PNLDC1: variants seen among roughly 807,000 people sequenced by gnomAD.
PNLDC1 encodes the protein PARN like ribonuclease domain containing exonuclease 1.
In PNLDC1, 70 loss-of-function variants were observed where a neutral mutation model predicts 82.0. The ratio of observed to expected loss-of-function variants is 0.85; its 90% confidence interval spans 0.70 to 1.04. The LOEUF (loss-of-function observed/expected upper bound fraction) is 1.04, where lower values mean the gene tolerates loss of function less well. Among genes scored for constraint, PNLDC1 ranks in the 50% least tolerant of loss-of-function variants. The pLI is 0.00. For missense variants in PNLDC1, 631 were observed against 661.1 expected (o/e 0.95, Z 0.50); for synonymous variants, 280 against 249.3 (o/e 1.12, Z -1.16).
chr6:159,805,140 C>T (rs774211760), intron 6 of PNLDC1, among the ~76,000 whole-genome samples: 11 of 152,160 alleles, frequency 7.2e-5, no homozygotes, highest in Admixed American at 1.3e-4. Context: ...TCCCCTAGGC[C>T]GGGACCTCTG....
intron 3 of PNLDC1, among the ~76,000 whole-genome samples, chr6:159,801,448 TTTTTA>T (rs1781252481): frequency 6.6e-6 from 1 of 152,148 alleles, no homozygotes; most frequent in Non-Finnish European, 1.5e-5. Context: ...GTGTGTGCGA[TTTTTA>T]TTTTATTTTT....
At chr6:159,811,187 G>A (rs1387432491) in intron 10 of PNLDC1, among the ~76,000 whole-genome samples, 2 of 152,186 alleles carry the variant, frequency 1.3e-5, no homozygotes, top group Non-Finnish European at 2.9e-5. Flanking sequence ...GGAGAGTAGC[G>A]GGAAGAGATC....
intron 3 of PNLDC1, among the ~76,000 whole-genome samples, chr6:159,801,864 C>T (rs1202938480): frequency 6.6e-6 from 1 of 150,882 alleles, no homozygotes. Context: ...TGTATCGGTT[C>T]ATACAGATCT....
chr6:159,800,635 T>A, intron 1 of PNLDC1, 137 bp from the exon 2 acceptor site: 1 of 1,598,846 alleles, frequency 6.3e-7, no homozygotes, highest in Non-Finnish European at 8.5e-7. Context: ...GGTTCCTCCA[T>A]TTTCCCTTCC....
intron 12 of PNLDC1, among the ~76,000 whole-genome samples, chr6:159,814,792 A>G (rs1419205007): frequency 6.6e-6 from 1 of 152,260 alleles, no homozygotes. Context: ...TATCTGTGAG[A>G]TGAGAAAATA....
upstream of PNLDC1, among the ~76,000 whole-genome samples, chr6:159,800,057 C>A (rs1186368604): frequency 6.6e-6 from 1 of 152,208 alleles, no homozygotes; most frequent in Admixed American, 6.5e-5. Flanking sequence ...AAAGAAATTG[C>A]TGAGGAGCCA....
chr6:159,813,154 T>C (rs983701651), intron 11 of PNLDC1, among the ~76,000 whole-genome samples: 2 of 152,164 alleles, frequency 1.3e-5, no homozygotes, highest in African/African-American at 2.4e-5. Flanking sequence ...GGGTCTGTGG[T>C]CTGTCTTTGC....
At chr6:159,805,910 C>G in intron 6 of PNLDC1, 73 bp from the exon 7 acceptor site, 1 of 1,102,900 alleles carries the variant, frequency 9.1e-7, no homozygotes, top group Admixed American at 1.7e-5. Flanking sequence ...AGAAACTGCT[C>G]TCATGTTAAC....
chr6:159,816,381 C>T, intron 13 of PNLDC1, among the ~76,000 whole-genome samples, 162 bp from the exon 14 acceptor site: 1 of 151,198 alleles, frequency 6.6e-6, no homozygotes, highest in Non-Finnish European at 1.5e-5. Flanking sequence ...GCTTTCTCCA[C>T]CGTGGGGAGG....
In PNLDC1 at chr6:159,819,373, A is replaced by G. The variant is rs56137054; in HGVS notation, c.1532+21A>G. ...CTCCAGTAAGTGACAGGCTGAGGCC[A>G]CCTGCCTGTCCTGGGGTCCTGGAGT... On this transcript the variant is annotated intron_variant, in intron 18 of 18. Coordinates refer to ENST00000392167, the MANE Select transcript of PNLDC1 (RefSeq NM_001271862.2). The surrounding 1 kb of genome is among the most constrained non-coding windows in gnomAD (Gnocchi z 4.6). The G allele has an allele frequency of 5.3e-5, 85 of 1,600,774 alleles. No individual in the cohort carries two copies. The highest frequency in any genetic ancestry group is 5.0e-4 in the Middle Eastern group (3 of 6,034).
At chr6:159,815,292 A>G (rs573442660) in intron 12 of PNLDC1, among the ~76,000 whole-genome samples, 66 of 152,020 alleles carry the variant, frequency 4.3e-4, no homozygotes, top group Non-Finnish European at 7.5e-4. Flanking sequence ...CATACCCCAC[A>G]CCGCCCCTTG....
chr6:159,802,182 G>C (rs1400505109), intron 3 of PNLDC1, among the ~76,000 whole-genome samples: 1 of 152,228 alleles, frequency 6.6e-6, no homozygotes, highest in Non-Finnish European at 1.5e-5. Flanking sequence ...TGTGAAATTA[G>C]CTGTAGAGAA....
intron 7 of PNLDC1, among the ~76,000 whole-genome samples, chr6:159,806,453 A>G (rs1781449999): frequency 6.6e-6 from 1 of 152,178 alleles, no homozygotes; most frequent in African/African-American, 2.4e-5. Flanking sequence ...CAGCTCTCAG[A>G]GGCTGGTCTA....
Position 159,809,786 on chromosome 6 carries a change from T to G in PNLDC1, c.784-240T>G, listed in dbSNP as rs377404005. Among the ~76,000 whole-genome samples, 6 of 152,182 alleles carry G rather than the reference T, an allele frequency of 3.9e-5. No individual in the cohort carries two copies. In the East Asian group the frequency reaches 5.8e-4, roughly 15 times the overall value. On this transcript the variant is annotated intron_variant, in intron 9 of 18. Coordinates refer to ENST00000392167, the MANE Select transcript of PNLDC1 (RefSeq NM_001271862.2). ...CAAGTGCCTGCTTCACAGTATAGGT[T>G]TCCAGCGCAGACCCTGCCTTACGTG...
In PNLDC1 at chr6:159,803,278, T is replaced by A; in HGVS notation, c.216T>A (p.Ser72=). ...QQFTVCQIGL[S]VFSAIEGEAN... is the part of the protein sequence containing the mutation. ...CTACGGTCATTCTTCCAGGATTGTCTGTGTTTTCCGCTATTGAAGGAGAGG... is the reference window on the plus strand; with the variant it reads ...CTACGGTCATTCTTCCAGGATTGTCAGTGTTTTCCGCTATTGAAGGAGAGG... The change falls in exon 4 of 19, where the codon TCT becomes TCA. Residue 72 remains serine, a synonymous_variant. Transcript: ENST00000392167. 3.7e-6 allele frequency: 6 copies of A among 1,614,094 alleles called. No individual in the cohort carries two copies. Among genetic ancestry groups the A allele is most frequent in the Non-Finnish European group, 5.1e-6 (6 of 1,179,952 alleles).
rs1253743106 is a variant in PNLDC1, at chr6:159,808,910, G to A, written c.639+94G>A. 11 of 1,583,254 alleles carry A rather than the reference G, an allele frequency of 6.9e-6. No individual in the cohort carries two copies. The East Asian group carries it at 1.3e-4, about 19-fold the overall frequency. On this transcript the variant is annotated intron_variant, in intron 8 of 18. Transcript: ENST00000392167. ...CCTCTGAAAAGCTTTTATCTTGCAC[G>A]CTGCTAGTTTTTCCCCCTTTCCTTT...
chr6:159,820,339 C>T, intron 18 of PNLDC1, 115 bp from the exon 19 acceptor site: 1 of 988,700 alleles, frequency 1.0e-6, no homozygotes, highest in Non-Finnish European at 1.6e-6. Context: ...GGGAGAGTGA[C>T]AGCAAGAAAG....
At position 159,800,325 on chromosome 6, in the gene PNLDC1, C is replaced by T. The variant is rs374337257; in HGVS notation, c.18C>T (p.Asp6=). 108 of 1,547,774 alleles carry T rather than the reference C, an allele frequency of 7.0e-5. 1 individual carries two copies. Among genetic ancestry groups the T allele is most frequent in the South Asian group, 1.9e-4 (16 of 83,962 alleles). Residue 6 remains aspartate, a synonymous_variant, in exon 1 of 19, where the codon GAC becomes GAT. Coordinates refer to ENST00000392167, the MANE Select transcript of PNLDC1 (RefSeq NM_001271862.2). ...GCACGGCCATGGACGTGGGCGCCGA[C>T]GAGTTCGAGGAGAGCCTCCCTCTGC... MDVGA[D]EFEESLPLLQ... is the part of the protein sequence containing the mutation.
intron 3 of PNLDC1, 119 bp from the exon 4 acceptor site, chr6:159,803,152 G>A (rs958243791): frequency 7.5e-6 from 6 of 800,752 alleles, no homozygotes; most frequent in African/African-American, 6.9e-5. Context: ...ATGTTATCCT[G>A]TTGTACAGCC....
Sources: gnomAD v4.1 joint callset for allele counts (sites outside exome capture counted in the v4.1 genomes callset) on GRCh38, gnomAD v4.1.1 for gene constraint, Gnocchi (gnomAD v3.1) non-coding constraint, MANE v1.5 for transcripts, NCBI Gene and HGNC (gene_info 2026-07-23, HGNC 2026-07-21) for gene names.